The following CYP1B1 variants were observed in gnomAD, a reference collection of about 807,000 sequenced individuals.
The protein encoded by CYP1B1 is cytochrome P450 1B1.
A neutral mutation model predicts 29.9 loss-of-function variants in CYP1B1; 22 were observed. The observed-to-expected ratio is 0.74, with a 90% CI of 0.53 to 1.05. The LOEUF (loss-of-function observed/expected upper bound fraction) is 1.05, where lower values mean the gene tolerates loss of function less well. CYP1B1 is among the 50% of genes least tolerant of loss of function. CYP1B1 has a pLI of 0.00. For missense variants in CYP1B1, 883 were observed against 746.9 expected, an observed-to-expected ratio of 1.18 and a Z score of -2.12; for synonymous variants, 375 against 320.0, an observed-to-expected ratio of 1.17 and a Z score of -1.83.
chr2:38,074,143 C>G (rs535853411), intron 2 of CYP1B1, among the ~76,000 whole-genome samples: 2 of 151,730 alleles, frequency 1.3e-5, no homozygotes, highest in African/African-American at 4.9e-5. Context: ...CCGGAGGGGT[C>G]GGGGCACCGC....
intron 2 of CYP1B1, among the ~76,000 whole-genome samples, chr2:38,071,649 C>T (rs972788062): frequency 6.6e-6 from 1 of 152,118 alleles, no homozygotes; most frequent in African/African-American, 2.4e-5. Context: ...GGGACAGTGC[C>T]TAGGGCTCAC....
intron 2 of CYP1B1, chr2:38,074,068 G>A: frequency 1.8e-6 from 1 of 556,564 alleles, no homozygotes; most frequent in Non-Finnish European, 3.2e-6. Context: ...GGGGGGTGGA[G>A]GGGTCTTTGC....
In CYP1B1 at chr2:38,074,597, G is replaced by C; in HGVS notation, c.792C>G (p.Leu264=). ...GGATGAAGTTGCTGAAGTTGCGGTT[G>C]AGCTGCTCGAATTCGCGGAAAACGG... ...VRTVFREFEQ[L]NRNFSNFILD... The change falls in exon 2 of 3, where the codon CTC becomes CTG. Residue 264 remains leucine (L), a synonymous_variant. Transcript: ENST00000610745. The C allele has an allele frequency of 1.9e-6, 3 of 1,613,104 alleles. No homozygotes were observed. The highest frequency in any genetic ancestry group is 2.5e-6 in the Non-Finnish European group (3 of 1,179,770).
chr2:38,072,213 C>T (rs1682446540), intron 2 of CYP1B1, among the ~76,000 whole-genome samples: 1 of 151,930 alleles, frequency 6.6e-6, no homozygotes, highest in Non-Finnish European at 1.5e-5. Flanking sequence ...AATATGTAAC[C>T]ACAACAGGAC....
rs587778875 is a variant in CYP1B1, at chr2:38,074,520, C to CG, written c.868dup (p.Arg290ProfsTer37). The CG allele has an allele frequency of 2.0e-5, 32 of 1,608,236 alleles. No homozygotes were observed. The highest frequency in any genetic ancestry group is 1.6e-4 in the Middle Eastern group (1 of 6,072). ...GAGGATAAAGGCGTCCATCATGTCG[C>CG]GGGGGGCGGCCCCGGGCCGAAGGCT... is the stretch of plus-strand genomic sequence containing the variant. On this transcript the variant is annotated frameshift_variant, in exon 2 of 3. Coordinates refer to ENST00000610745, the MANE Select transcript of CYP1B1 (RefSeq NM_000104.4). LOFTEE classifies it high-confidence loss of function.
rs1395410267 is a variant in CYP1B1, at chr2:38,074,294, C to T, written c.1043+52G>A. On this transcript the variant is annotated intron_variant, in intron 2 of 2. Coordinates refer to ENST00000610745, the MANE Select transcript of CYP1B1 (RefSeq NM_000104.4). ...AAACTCAGCATATTCTGTCTCTACT[C>T]CGCCTTTTTCAGAGGAGAAAAGACC... 4.4e-6 allele frequency: 7 copies of T among 1,587,796 alleles called. No homozygotes were observed. In the African/African-American group the frequency reaches 8.0e-5, roughly 18 times the overall value.
intron 2 of CYP1B1, 37 bp downstream of exon 2, chr2:38,074,309 G>A: frequency 1.2e-6 from 2 of 1,605,158 alleles, no homozygotes; most frequent in East Asian, 2.2e-5. Flanking sequence ...TTTTTCAGAG[G>A]AGAAAAGACC....
At chr2:38,075,440 C>G (rs1241943573) in intron 1 of CYP1B1, 51 bp from the exon 2 acceptor site, 1 of 1,579,810 alleles carries the variant, frequency 6.3e-7, no homozygotes, top group African/African-American at 1.3e-5. Context: ...GAGACAGGAG[C>G]GGGCGCCCCA....
At chr2:38,072,800 T>C (rs1181446003) in intron 2 of CYP1B1, among the ~76,000 whole-genome samples, 1 of 152,184 alleles carries the variant, frequency 6.6e-6, no homozygotes, top group African/African-American at 2.4e-5. Flanking sequence ...CCATCGACAA[T>C]GTATAAATGA....
Position 38,075,376 on chromosome 2 carries a change from G to C in CYP1B1, c.13C>G (p.Leu5Val), listed in dbSNP as rs1365968474. MGTSLSPNDPWPLNP... is the reference protein window; with the variant it reads MGTSVSPNDPWPLNP... ...AGCGGCCAAGGGTCGTTCGGGCTGA[G>C]GCTGGTGCCCATGCTGGGGACAGAG... Residue 5 changes from leucine to valine, a missense_variant, in exon 2 of 3, where the codon CTC (leucine) becomes GTC (valine). By Grantham distance (32) the Leu-to-Val change is conservative. Transcript: ENST00000610745. 1 of 1,612,792 alleles carries C rather than the reference G, an allele frequency of 6.2e-7. No individual in the cohort carries two copies. Among genetic ancestry groups the C allele is most frequent in the Admixed American group, 1.7e-5 (1 of 60,012 alleles).
At position 38,074,854 on chromosome 2, in the gene CYP1B1, C is replaced by T; in HGVS notation, c.535G>A (p.Ala179Thr). The change falls in exon 2 of 3, where the codon GCG becomes ACG. Residue 179 changes from alanine to threonine, a missense_variant. Coordinates refer to ENST00000610745, the MANE Select transcript of CYP1B1 (RefSeq NM_000104.4). ...HVLSEARELV[A>T]LLVRGSADGA... Reference sequence around the variant, plus strand: ...TCCGCGCTGCCGCGCACCAGCAGCGCCACCAGCTCGCGCGCCTCGCTCAGC... The same window carrying T: ...TCCGCGCTGCCGCGCACCAGCAGCGTCACCAGCTCGCGCGCCTCGCTCAGC... 1.3e-6 allele frequency: 2 copies of T among 1,558,116 alleles called. No homozygotes were observed. The highest frequency in any genetic ancestry group is 1.7e-6 in the Non-Finnish European group (2 of 1,152,690).
rs750127463 is a variant in CYP1B1 at position 38,075,231 on chromosome 2, C to G, written c.158G>C (p.Gly53Ala). 7.6e-6 allele frequency: 12 copies of G among 1,586,366 alleles called. No homozygotes were observed. Among genetic ancestry groups the G allele is most frequent in the Non-Finnish European group, 9.4e-6 (11 of 1,172,460 alleles). ...TCCGATCAGTGGCCACGCAAACGGGCCCGGGGGCGCGGACCGGAGCTGCCG... is the reference window on the plus strand; with the variant it reads ...TCCGATCAGTGGCCACGCAAACGGGGCCGGGGGCGCGGACCGGAGCTGCCG... The part of the protein sequence containing the change: ...RRRQLRSAPP[G>A]PFAWPLIGNA... Residue 53 changes from glycine to alanine, a missense_variant, in exon 2 of 3, where the codon GGC (glycine) becomes GCC (alanine). Gly to Ala is a moderately conservative substitution (Grantham distance 60). Coordinates refer to ENST00000610745, the MANE Select transcript of CYP1B1 (RefSeq NM_000104.4).
In CYP1B1 at chr2:38,075,306, G is replaced by C. The variant is rs780002791; in HGVS notation, c.83C>G (p.Ser28Trp). 70 of 1,611,642 alleles carry C rather than the reference G, an allele frequency of 4.3e-5. No homozygotes were observed. The highest frequency in any genetic ancestry group is 1.7e-4 in the Middle Eastern group (1 of 5,778). ...IQQTTLLLLL[S>W]VLATVHVGQR... ...GCCCACATGCACAGTGGCCAGCACC[G>C]ACAGGAGTAGCAGGAGCGTGGTCTG... Residue 28 changes from serine to tryptophan, a missense_variant, in exon 2 of 3, where the codon TCG becomes TGG. Physicochemically the swap from Ser to Trp is radical, Grantham distance 177 (BLOSUM62 -3). Coordinates refer to ENST00000610745, the MANE Select transcript of CYP1B1 (RefSeq NM_000104.4).
Position 38,074,898 on chromosome 2 carries a change from TGGC to T in CYP1B1, c.488_490del (p.Arg163del). The T allele has an allele frequency of 6.4e-7, 1 of 1,556,232 alleles. No individual in the cohort carries two copies. Among genetic ancestry groups the T allele is most frequent in the East Asian group, 2.4e-5 (1 of 41,564 alleles). On this transcript the variant is annotated inframe_deletion, in exon 2 of 3. Coordinates refer to ENST00000610745, the MANE Select transcript of CYP1B1 (RefSeq NM_000104.4). ...GCTCAGCACGTGGCCCTCGAGGACTTGGCGGCTGCGCGGCTGGCGCGTGAAGAA... is the reference window on the plus strand; with the variant it reads ...GCTCAGCACGTGGCCCTCGAGGACTTGGCTGCGCGGCTGGCGCGTGAAGAA...
Position 38,074,987 on chromosome 2 carries a change from G to T in CYP1B1, c.402C>A (p.Phe134Leu). ...CCTTCCAGTGCTCCGAGTAGTGGCCGAAAGCCATGCTGCGGCCGCCGGACA... is the reference window on the plus strand; with the variant it reads ...CCTTCCAGTGCTCCGAGTAGTGGCCTAAAGCCATGCTGCGGCCGCCGGACA... ...RVVSGGRSMA[F>L]GHYSEHWKVQ... The change falls in exon 2 of 3, where the codon TTC becomes TTA. Residue 134 changes from phenylalanine (F) to leucine (L), a missense_variant. By Grantham distance (22) the Phe-to-Leu change is conservative. Transcript: ENST00000610745. 1 of 1,587,980 alleles carries T rather than the reference G, an allele frequency of 6.3e-7. No homozygotes were observed. Among genetic ancestry groups the T allele is most frequent in the Non-Finnish European group, 8.5e-7 (1 of 1,175,088 alleles).
Position 38,070,956 on chromosome 2 carries a change from G to C in CYP1B1, c.1398C>G (p.Gly466=), listed in dbSNP as rs143977153. 8.1e-6 allele frequency: 13 copies of C among 1,613,950 alleles called. No individual in the cohort carries two copies. The African/African-American group carries it at 1.7e-4, about 22-fold the overall frequency. The change falls in exon 3 of 3, where the codon GGC becomes GGG. Residue 466 remains glycine (G), a synonymous_variant. Transcript: ENST00000610745. The part of the protein sequence containing the change: ...LTSRVMIFSV[G]KRRCIGEELS... ...GTTCTTCGCCAATGCACCGCCTTTT[G>C]CCCACTGAAAAAATCATCACTCTGC...
Position 38,075,170 on chromosome 2 carries a change from CGA to C in CYP1B1, c.217_218del (p.Ser73ValfsTer150), listed in dbSNP as rs1373671407. The C allele has an allele frequency of 1.3e-6, 2 of 1,570,242 alleles. No homozygotes were observed. The highest frequency in any genetic ancestry group is 2.7e-5 in the African/African-American group (2 of 74,458). On this transcript the variant is annotated frameshift_variant, in exon 2 of 3. Transcript: ENST00000610745. LOFTEE classifies it high-confidence loss of function. ...AAAVGQAAHL[S>X]FARLARRYGD... ...CGTAGCGCCGCGCCAGGCGAGCGAA[CGA>C]GAGGTGAGCCGCCTGGCCCACCGCC...
rs1682413744 is a variant in CYP1B1 at position 38,070,845 on chromosome 2, C to G, written c.1509G>C (p.Met503Ile). Residue 503 changes from methionine (M) to isoleucine (I), a missense_variant, in exon 3 of 3, where the codon ATG becomes ATC. Coordinates refer to ENST00000610745, the MANE Select transcript of CYP1B1 (RefSeq NM_000104.4). ...TAATGGTTAGACCATAACTGAAATT[C>G]ATTTTCGCAGGCTCATTTGGGTTGG... The part of the protein sequence containing the change: ...FRANPNEPAK[M>I]NFSYGLTIKP... 1 of 1,614,166 alleles carries G rather than the reference C, an allele frequency of 6.2e-7. No individual in the cohort carries two copies. Among genetic ancestry groups the G allele is most frequent in the Non-Finnish European group, 8.5e-7 (1 of 1,180,026 alleles).
Position 38,075,084 on chromosome 2 carries a change from G to A in CYP1B1, c.305C>T (p.Ala102Val). ...CTGCTGCACCAGGGCCTGGTGGATGGCGCGCTCGCCATTCAGCACCACTAT... is the reference window on the plus strand; with the variant it reads ...CTGCTGCACCAGGGCCTGGTGGATGACGCGCTCGCCATTCAGCACCACTAT... ...CPIVVLNGER[A>V]IHQALVQQGS... The change falls in exon 2 of 3, where the codon GCC becomes GTC. Residue 102 changes from alanine to valine, a missense_variant. Coordinates refer to ENST00000610745, the MANE Select transcript of CYP1B1 (RefSeq NM_000104.4). 2 of 1,580,856 alleles carry A rather than the reference G, an allele frequency of 1.3e-6. No individual in the cohort carries two copies. The highest frequency in any genetic ancestry group is 1.3e-5 in the African/African-American group (1 of 74,692).
Sources: gnomAD v4.1 joint callset for allele counts (sites outside exome capture counted in the v4.1 genomes callset) on GRCh38, gnomAD v4.1.1 for gene constraint, MANE v1.5 for transcripts, NCBI Gene and HGNC (gene_info 2026-07-23, HGNC 2026-07-21) for gene names.